LNX2: variants seen among roughly 807,000 people sequenced by gnomAD.
LNX2 encodes the protein ligand of Numb protein X 2.
A neutral mutation model predicts 66.2 loss-of-function variants in LNX2; 35 were observed. The ratio of observed to expected loss-of-function variants is 0.53; its 90% CI spans 0.40 to 0.70. The LOEUF is 0.70. Ranked by LOEUF, LNX2 falls within the 30% of genes least tolerant of loss-of-function variation. The pLI is 0.00. For missense variants in LNX2, 791 were observed against 850.8 expected, an observed-to-expected ratio of 0.93 and a Z score of 0.87; for synonymous variants, 337 against 315.6, an observed-to-expected ratio of 1.07 and a Z score of -0.72.
intron 1 of LNX2, among the ~76,000 whole-genome samples, chr13:27,616,772 T>C (rs1218962): frequency 0.63 from 95,914 of 152,138 alleles, 31,118 homozygotes; most frequent in Non-Finnish European, 0.69. Context: ...TTTTTTGAGA[T>C]GGAGTCTAGC....
chr13:27,552,474 C>CA (rs1955017737), intron 8 of LNX2, among the ~76,000 whole-genome samples: 1 of 152,136 alleles, frequency 6.6e-6, no homozygotes, highest in South Asian at 2.1e-4. Context: ...CATACTTGGT[C>CA]AAAAGTCAAA....
At chr13:27,589,864 T>C (rs1955529318) in intron 1 of LNX2, among the ~76,000 whole-genome samples, 1 of 152,232 alleles carries the variant, frequency 6.6e-6, no homozygotes, top group South Asian at 2.1e-4. Flanking sequence ...GGAAAGAACT[T>C]TGCTCCAACA....
At chr13:27,559,805 CT>C in intron 6 of LNX2, 36 bp downstream of exon 6, 1 of 1,475,238 alleles carries the variant, frequency 6.8e-7, no homozygotes. Flanking sequence ...AACAATGATC[CT>C]TTGATGGTGG....
chr13:27,614,110 G>C (rs1955802234), intron 1 of LNX2, among the ~76,000 whole-genome samples: 1 of 152,174 alleles, frequency 6.6e-6, no homozygotes, highest in Non-Finnish European at 1.5e-5. Flanking sequence ...CTAATTTTGG[G>C]AGAAATTTAG....
chr13:27,551,827 T>G (rs1281359029), intron 8 of LNX2, among the ~76,000 whole-genome samples: 2 of 152,168 alleles, frequency 1.3e-5, no homozygotes, highest in African/African-American at 4.8e-5. Flanking sequence ...TGCTGCATCT[T>G]CTGAAACAAA....
chr13:27,581,693 G>T lies in LNX2; in HGVS notation c.11C>A (p.Thr4Lys), dbSNP rs1471977307. The change falls in exon 2 of 10, where the codon ACA (threonine) becomes AAA (lysine). Residue 4 changes from threonine (T) to lysine (K), a missense_variant. Thr to Lys is a moderately conservative substitution (Grantham distance 78). Coordinates refer to ENST00000316334, the MANE Select transcript of LNX2 (RefSeq NM_153371.4). MGT[T>K]SDEMVSVEQT... ...TTCCACAGACACCATCTCATCACTT[G>T]TTGTTCCCATTTTGAATCAATTCTG... 1.3e-6 allele frequency: 2 copies of T among 1,598,534 alleles called. No individual in the cohort carries two copies. The highest frequency in any genetic ancestry group is 1.7e-6 in the Non-Finnish European group (2 of 1,172,540).
chr13:27,550,262 CCT>C (rs1389906440), intron 9 of LNX2, 69 bp downstream of exon 9: 4 of 1,387,890 alleles, frequency 2.9e-6, no homozygotes, highest in African/African-American at 2.9e-5. Flanking sequence ...AGTGCTGACC[CCT>C]GACCCCTGGT....
chr13:27,587,931 G>A (rs1377796770), intron 1 of LNX2, among the ~76,000 whole-genome samples: 1 of 149,294 alleles, frequency 6.7e-6, no homozygotes, highest in Non-Finnish European at 1.5e-5. Context: ...TGAGGCAGAA[G>A]AATGGCGTGA....
intron 1 of LNX2, among the ~76,000 whole-genome samples, chr13:27,611,227 C>T (rs975178395): frequency 8.5e-5 from 13 of 152,164 alleles, no homozygotes; most frequent in African/African-American, 3.1e-4. Context: ...GACAGATAAA[C>T]AAAATGTGGT....
intron 1 of LNX2, among the ~76,000 whole-genome samples, chr13:27,598,216 A>AAAAAG (rs1385378219): frequency 2.0e-5 from 3 of 151,808 alleles, no homozygotes; most frequent in Admixed American, 6.6e-5. Flanking sequence ...AAAAAAAAAA[A>AAAAAG]AAAAGACATG....
rs933232111 is a variant in LNX2, at chr13:27,584,148, T to G, written c.-100-2345A>C. Among the ~76,000 whole-genome samples, 3 of 151,968 alleles carry G rather than the reference T, an allele frequency of 2.0e-5. 1 individual carries two copies. The highest frequency in any genetic ancestry group is 4.4e-5 in the Non-Finnish European group (3 of 67,968). On this transcript the variant is annotated intron_variant, in intron 1 of 9. Coordinates refer to ENST00000316334, the MANE Select transcript of LNX2 (RefSeq NM_153371.4). ...GTGCCTGCCACAAGAACCTTAAGAGTAGGATACCATGTTGAGGCTACTAGC... is the reference window on the plus strand; with the variant it reads ...GTGCCTGCCACAAGAACCTTAAGAGGAGGATACCATGTTGAGGCTACTAGC...
intron 1 of LNX2, among the ~76,000 whole-genome samples, chr13:27,615,016 A>C (rs1365836456): frequency 6.6e-6 from 1 of 152,066 alleles, no homozygotes; most frequent in South Asian, 2.1e-4. Flanking sequence ...TCCCCCCGAC[A>C]CCCCAGTACA....
At chr13:27,566,765 G>T (rs1001533040) in intron 4 of LNX2, among the ~76,000 whole-genome samples, 2 of 152,144 alleles carry the variant, frequency 1.3e-5, no homozygotes, top group Non-Finnish European at 2.9e-5. Flanking sequence ...ACAAATCCAA[G>T]GAGAGAGAGG....
In LNX2 at chr13:27,608,249, C is replaced by T. The variant is rs545112812; in HGVS notation, c.-101+12126G>A. The stretch of plus-strand genomic sequence containing the variant: ...TAACTGCTAATAAATTTTTATTTTG[C>T]CTTGTCACAACTCTATGCTTTTGTC... On this transcript the variant is annotated intron_variant, in intron 1 of 9. Coordinates refer to ENST00000316334, the MANE Select transcript of LNX2 (RefSeq NM_153371.4). 9.5e-4 allele frequency among the ~76,000 whole-genome samples: 144 copies of T among 152,278 alleles called. 1 individual carries two copies. The highest frequency in any genetic ancestry group is 1.7e-3 in the Non-Finnish European group (115 of 68,014).
intron 6 of LNX2, 133 bp downstream of exon 6, chr13:27,559,709 C>T: frequency 3.7e-6 from 3 of 818,672 alleles, no homozygotes; most frequent in South Asian, 6.5e-5. Context: ...TAACAACCCT[C>T]ATTTGAATCT....
At chr13:27,560,852 A>G (rs1955127267) in intron 5 of LNX2, among the ~76,000 whole-genome samples, 2 of 152,130 alleles carry the variant, frequency 1.3e-5, no homozygotes, top group African/African-American at 2.4e-5. Flanking sequence ...ATTGTGGTAC[A>G]AAGTGGAGAC....
chr13:27,619,104 A>G (rs949935041), intron 1 of LNX2, among the ~76,000 whole-genome samples: 10 of 152,216 alleles, frequency 6.6e-5, no homozygotes, highest in African/African-American at 2.4e-4. Context: ...GAGAAACAAG[A>G]TATATGGAGA....
chr13:27,568,034 C>G (rs572705336), intron 3 of LNX2, among the ~76,000 whole-genome samples, 195 bp from the exon 4 acceptor site: 1 of 152,238 alleles, frequency 6.6e-6, no homozygotes, highest in East Asian at 1.9e-4. Context: ...TCTACTAAAA[C>G]TGATCAGTAA....
chr13:27,583,215 T>C (rs1274902467), intron 1 of LNX2, among the ~76,000 whole-genome samples: 3,493 of 21,708 alleles, frequency 0.16, 314 homozygotes, highest in African/African-American at 0.27. Context: ...TGTGTGTGTG[T>C]GTGTGTGTGT....
Sources: gnomAD v4.1 joint callset for allele counts (sites outside exome capture counted in the v4.1 genomes callset) on GRCh38, gnomAD v4.1.1 for gene constraint, MANE v1.5 for transcripts, NCBI Gene and HGNC (gene_info 2026-07-23, HGNC 2026-07-21) for gene names.